Variants in SPATA16 observed in about 807,000 individuals in gnomAD.
The protein encoded by SPATA16 is spermatogenesis associated 16, also known as spermatogenesis-associated protein 16.
A neutral mutation model predicts 63.3 loss-of-function variants in SPATA16; 36 were observed. The observed-to-expected ratio is 0.57, with a 90% CI of 0.44 to 0.75. The LOEUF (loss-of-function observed/expected upper bound fraction) is 0.75, where lower values mean the gene tolerates loss of function less well. SPATA16 is among the 30% of genes least tolerant of loss of function. The pLI is 0.00. For missense variants in SPATA16, 646 were observed against 679.3 expected (o/e 0.95, Z 0.54); for synonymous variants, 203 against 216.7 (o/e 0.94, Z 0.56).
At position 172,983,029 on chromosome 3, in the gene SPATA16, G is replaced by T. The variant is rs1273297171; in HGVS notation, c.849-5977C>A. Among the ~76,000 whole-genome samples, 4 of 152,154 alleles carry T rather than the reference G, an allele frequency of 2.6e-5. No homozygotes were observed. The East Asian group carries it at 7.7e-4, about 29-fold the overall frequency. On this transcript the variant is annotated intron_variant, in intron 4 of 10. Transcript: ENST00000351008. ...CATTCCGTTCATCACCTTGCCTTTA[G>T]GCAGGATCACACTTAAACCTTTCAA...
intron 1 of SPATA16, among the ~76,000 whole-genome samples, chr3:173,131,810 T>C (rs1738394419): frequency 6.6e-6 from 1 of 152,048 alleles, no homozygotes; most frequent in Non-Finnish European, 1.5e-5. Context: ...TAAATTAAGA[T>C]GAAGTGCCAT....
At chr3:173,125,353 A>G (rs1256063879) in intron 1 of SPATA16, among the ~76,000 whole-genome samples, 3 of 152,192 alleles carry the variant, frequency 2.0e-5, no homozygotes, top group Non-Finnish European at 4.4e-5. Flanking sequence ...CTCACACAGC[A>G]ACCCAAGTCA....
At chr3:173,021,715 T>C (rs988015855) in intron 3 of SPATA16, among the ~76,000 whole-genome samples, 5 of 147,772 alleles carry the variant, frequency 3.4e-5, no homozygotes, top group Admixed American at 6.8e-5. Flanking sequence ...AATTCTTCCC[T>C]ATTACTTTTT....
intron 10 of SPATA16, among the ~76,000 whole-genome samples, chr3:172,897,137 G>A (rs2109543143): frequency 6.6e-6 from 1 of 152,184 alleles, no homozygotes; most frequent in Non-Finnish European, 1.5e-5. Flanking sequence ...ATTAGGTCAA[G>A]GCTGTGTTTT....
chr3:172,942,225 C>T (rs550257472), intron 6 of SPATA16, among the ~76,000 whole-genome samples: 1 of 152,170 alleles, frequency 6.6e-6, no homozygotes, highest in South Asian at 2.1e-4. Context: ...AATCAATCAA[C>T]TCAGGAATTA....
intron 2 of SPATA16, among the ~76,000 whole-genome samples, chr3:173,062,618 T>G (rs773736731): frequency 2.6e-5 from 4 of 152,180 alleles, no homozygotes; most frequent in Non-Finnish European, 5.9e-5. Context: ...ATGATTGAAA[T>G]TCAGGTTTGC....
At chr3:173,096,766 G>A (rs780391256) in intron 2 of SPATA16, among the ~76,000 whole-genome samples, 8 of 152,034 alleles carry the variant, frequency 5.3e-5, no homozygotes, top group Non-Finnish European at 1.0e-4. Flanking sequence ...AATGACATGT[G>A]TACAAGGTGA....
chr3:172,993,449 A>G (rs932472139), intron 4 of SPATA16, among the ~76,000 whole-genome samples: 7 of 152,136 alleles, frequency 4.6e-5, no homozygotes, highest in Non-Finnish European at 7.4e-5. Flanking sequence ...GAAAAAAAGT[A>G]GTAATTAATT....
intron 6 of SPATA16, among the ~76,000 whole-genome samples, chr3:172,938,025 G>A (rs778644961): frequency 6.6e-5 from 10 of 152,248 alleles, no homozygotes; most frequent in Admixed American, 1.3e-4. Flanking sequence ...TGAAGCAGCT[G>A]ATATGTTTCA....
intron 2 of SPATA16, among the ~76,000 whole-genome samples, chr3:173,106,890 A>G (rs1412651628): frequency 6.6e-6 from 1 of 152,092 alleles, no homozygotes; most frequent in Non-Finnish European, 1.5e-5. Context: ...ATTTTAATCT[A>G]TGTATCTTTA....
At chr3:173,050,077 T>G (rs770092229) in intron 2 of SPATA16, among the ~76,000 whole-genome samples, 21 of 152,222 alleles carry the variant, frequency 1.4e-4, no homozygotes, top group African/African-American at 4.6e-4. Context: ...TATTGTATTC[T>G]AAATCCTGTT....
Position 172,925,448 on chromosome 3 carries a change from A to T in SPATA16, c.1126T>A (p.Ser376Thr), listed in dbSNP as rs1477439058. ...HMLPQTVDWS[S>T]FPPQQYLLTL... ...AAGAGATATTGTTGGGGAGGAAAAG[A>T]TGACCAGTCAACTGTCTGAGGCAAC... Residue 376 changes from serine to threonine, a missense_variant, in exon 7 of 11, where the codon TCT becomes ACT. By Grantham distance (58) the Ser-to-Thr change is moderately conservative. Transcript: ENST00000351008. 2 of 1,613,964 alleles carry T rather than the reference A, an allele frequency of 1.2e-6. No homozygotes were observed. Among genetic ancestry groups the T allele is most frequent in the African/African-American group, 2.7e-5 (2 of 74,908 alleles).
chr3:173,133,081 A>G (rs1403052998), intron 1 of SPATA16, among the ~76,000 whole-genome samples: 2 of 152,202 alleles, frequency 1.3e-5, no homozygotes, highest in Non-Finnish European at 2.9e-5. Flanking sequence ...CTCAACTAAT[A>G]ATCAGACAAA....
intron 9 of SPATA16, 70 bp downstream of exon 9, chr3:172,916,247 T>TC (rs1253780951): frequency 7.7e-5 from 120 of 1,554,454 alleles, no homozygotes; most frequent in Non-Finnish European, 9.5e-5. Flanking sequence ...TTTTTTTTTT[T>TC]TCCCCAGACC....
At chr3:173,039,659 G>A (rs1465014683) in intron 3 of SPATA16, among the ~76,000 whole-genome samples, 3 of 152,028 alleles carry the variant, frequency 2.0e-5, no homozygotes, top group African/African-American at 7.2e-5. Flanking sequence ...TTTAAGAAGA[G>A]AAAGAGTGAA....
chr3:172,925,249 A>G (rs1394875485), intron 7 of SPATA16, 97 bp downstream of exon 7: 4 of 1,342,540 alleles, frequency 3.0e-6, no homozygotes, highest in Non-Finnish European at 4.2e-6. Flanking sequence ...CCCACAAAGA[A>G]GATTAGAAGG....
Position 172,956,842 on chromosome 3 carries a change from A to AC in SPATA16, c.934-19dup. 2 of 1,613,136 alleles carry AC rather than the reference A, an allele frequency of 1.2e-6. No homozygotes were observed. The highest frequency in any genetic ancestry group is 1.7e-6 in the Non-Finnish European group (2 of 1,179,410). On this transcript the variant is annotated intron_variant, in intron 5 of 10. Coordinates refer to ENST00000351008, the MANE Select transcript of SPATA16 (RefSeq NM_031955.6). ...ATCATGGCCTAAGAGGAAACAAACAACCCATTTGGCATCAATAACAATATA... is the reference window on the plus strand; with the variant it reads ...ATCATGGCCTAAGAGGAAACAAACAACCCCATTTGGCATCAATAACAATATA...
chr3:173,065,695 G>A (rs1001128312), intron 2 of SPATA16, among the ~76,000 whole-genome samples: 2 of 152,176 alleles, frequency 1.3e-5, no homozygotes, highest in South Asian at 2.1e-4. Context: ...GTGTGCTTGC[G>A]GGAGGGAAAG....
chr3:173,075,627 G>T (rs1208194402), intron 2 of SPATA16, among the ~76,000 whole-genome samples: 2 of 152,094 alleles, frequency 1.3e-5, no homozygotes. Flanking sequence ...GCAGTAACAG[G>T]GATGGAACGG....
Sources: gnomAD v4.1 joint callset for allele counts (sites outside exome capture counted in the v4.1 genomes callset) on GRCh38, gnomAD v4.1.1 for gene constraint, MANE v1.5 for transcripts, NCBI Gene and HGNC (gene_info 2026-07-23, HGNC 2026-07-21) for gene names.